TNRC6B: variants seen among roughly 807,000 people sequenced by gnomAD.
TNRC6B encodes the protein trinucleotide repeat containing adaptor 6B, also known as trinucleotide repeat-containing gene 6B protein.
TNRC6B carries 52 observed loss-of-function variants against 203.6 expected under a neutral mutation model. The ratio of observed to expected loss-of-function variants is 0.26; its 90% CI spans 0.20 to 0.32. The LOEUF (loss-of-function observed/expected upper bound fraction) is 0.32, where lower values mean the gene tolerates loss of function less well. TNRC6B is among the 10% of genes least tolerant of loss of function. TNRC6B has a pLI of 1.00. For synonymous variants in TNRC6B, 838 were observed against 845.7 expected, an observed-to-expected ratio of 0.99 and a Z score of 0.16; for missense variants, 1,923 against 2,286.2, an observed-to-expected ratio of 0.84 and a Z score of 3.24.
rs373005036 is a variant in TNRC6B, at chr22:40,264,936, A to G, written c.706A>G (p.Thr236Ala). 2.1e-5 allele frequency: 34 copies of G among 1,613,952 alleles called. No homozygotes were observed. The highest frequency in any genetic ancestry group is 4.5e-5 in the East Asian group (2 of 44,888). ...GAAGAGCACTCTGCCAGGAAGCACC[A>G]CTAGTAACAAAGGAAAAGGGAGCCA... is the stretch of plus-strand genomic sequence containing the variant. The part of the protein sequence containing the change: ...SEKSTLPGST[T>A]SNKGKGSQCQ... Residue 236 changes from threonine (T) to alanine (A), a missense_variant, in exon 5 of 23, where the codon ACT (threonine) becomes GCT (alanine). Physicochemically the swap from Thr to Ala is moderately conservative, Grantham distance 58 (BLOSUM62 0). Around this residue, in one of 8 missense-constraint regions of TNRC6B, gnomAD observed 614 missense variants for 587.7 expected, o/e 1.04. Coordinates refer to ENST00000454349, the MANE Select transcript of TNRC6B (RefSeq NM_001162501.2).
rs889771224 is a variant in TNRC6B at position 40,243,031 on chromosome 22, G to A, written c.6-2984G>A. On this transcript the variant is annotated intron_variant, in intron 1 of 22. Coordinates refer to ENST00000454349, the MANE Select transcript of TNRC6B (RefSeq NM_001162501.2). ...CTACAGGCGTGTGCCACCACGCCCA[G>A]CTAATTTTTTTGTATTTTTAGTAGA... Among the ~76,000 whole-genome samples the A allele has an allele frequency of 3.9e-5, 6 of 152,030 alleles. 1 individual carries two copies. The South Asian group carries it at 6.2e-4, about 16-fold the overall frequency.
At chr22:40,075,156 A>ATATATATATATATATATAT in intron 1 of TNRC6B, among the ~76,000 whole-genome samples, 10 of 35,554 alleles carry the variant, frequency 2.8e-4, no homozygotes, top group South Asian at 1.1e-3. Flanking sequence ...ATATATATAT[A>ATATATATATATATATATAT]TTTTTTTTTT....
chr22:40,244,183 C>T (rs2070072004), intron 1 of TNRC6B, among the ~76,000 whole-genome samples: 1 of 152,192 alleles, frequency 6.6e-6, no homozygotes, highest in Non-Finnish European at 1.5e-5. Flanking sequence ...GATCAACATC[C>T]ATCTTACCAG....
At chr22:40,282,753 A>G (rs561985233) in intron 11 of TNRC6B, among the ~76,000 whole-genome samples, 1 of 152,200 alleles carries the variant, frequency 6.6e-6, no homozygotes, top group South Asian at 2.1e-4. Flanking sequence ...TGGTTTTTAA[A>G]GACTATTTTC....
chr22:40,252,681 C>T (rs1347599994), intron 3 of TNRC6B, among the ~76,000 whole-genome samples: 2 of 152,096 alleles, frequency 1.3e-5, no homozygotes, highest in African/African-American at 4.8e-5. Flanking sequence ...AGTATCTGCC[C>T]TTGTACATTT....
chr22:40,064,128 T>C (rs1162608013), intron 1 of TNRC6B, among the ~76,000 whole-genome samples: 1 of 152,246 alleles, frequency 6.6e-6, no homozygotes, highest in Non-Finnish European at 1.5e-5. Context: ...AACTCATTTA[T>C]TAGTTGTGAT....
chr22:40,093,146 C>G (rs947730879), intron 1 of TNRC6B, among the ~76,000 whole-genome samples: 1 of 152,114 alleles, frequency 6.6e-6, no homozygotes. Flanking sequence ...GAAAAAATAA[C>G]CATTTCAGAA....
Position 40,300,606 on chromosome 22 carries a change from C to G in TNRC6B, c.3840+20C>G, listed in dbSNP as rs755813745. The G allele has an allele frequency of 6.3e-7, 1 of 1,587,298 alleles. No homozygotes were observed. Among genetic ancestry groups the G allele is most frequent in the African/African-American group, 1.4e-5 (1 of 72,790 alleles). ...CAGTTGGTAAGTAGAAGATTTTCTT[C>G]CTGTGGCTAAAAAGGTCATTTGCTT... On this transcript the variant is annotated intron_variant, in intron 13 of 22. Transcript: ENST00000454349.
At chr22:40,202,450 G>A (rs2069426699) in intron 1 of TNRC6B, among the ~76,000 whole-genome samples, 1 of 151,998 alleles carries the variant, frequency 6.6e-6, no homozygotes, top group South Asian at 2.1e-4. Context: ...ATAAACCATT[G>A]CTGCTGTAAC....
intron 1 of TNRC6B, among the ~76,000 whole-genome samples, chr22:40,113,190 G>A (rs1470743129): frequency 6.6e-6 from 1 of 152,198 alleles, no homozygotes; most frequent in African/African-American, 2.4e-5. Context: ...TAAAGAGGAT[G>A]TTTTTAGGAA....
chr22:40,143,051 A>G (rs1166093408), intron 3 of TNRC6B, among the ~76,000 whole-genome samples: 1 of 152,232 alleles, frequency 6.6e-6, no homozygotes, highest in Non-Finnish European at 1.5e-5. Context: ...AACATGCAAA[A>G]AGCACTAACT....
chr22:40,163,041 T>C (rs1219748632), intron 4 of TNRC6B, among the ~76,000 whole-genome samples: 1 of 152,090 alleles, frequency 6.6e-6, no homozygotes, highest in Non-Finnish European at 1.5e-5. Flanking sequence ...TTCCCAGAAG[T>C]CTCAGAATCG....
intron 16 of TNRC6B, among the ~76,000 whole-genome samples, chr22:40,309,125 G>C (rs1390211433): frequency 6.6e-6 from 1 of 152,240 alleles, no homozygotes; most frequent in Non-Finnish European, 1.5e-5. Context: ...ATGTGAATTA[G>C]AGTGTCTGCA....
Position 40,273,609 on chromosome 22 carries a change from C to T in TNRC6B, c.3141+9C>T, listed in dbSNP as rs1399116977. 6.4e-7 allele frequency: 1 copy of T among 1,560,130 alleles called. No homozygotes were observed. The highest frequency in any genetic ancestry group is 2.4e-5 in the East Asian group (1 of 42,072). On this transcript the variant is annotated intron_variant, in intron 7 of 22. Transcript: ENST00000454349. The stretch of plus-strand genomic sequence containing the variant: ...GAAAGAAACAAATGAAGGTAGCCTG[C>T]TTAGAAATGTTCGCACTTGCTCATT...
intron 4 of TNRC6B, among the ~76,000 whole-genome samples, chr22:40,169,130 CTT>C (rs135632): frequency 6.8e-4 from 75 of 109,630 alleles, no homozygotes; most frequent in Middle Eastern, 5.0e-3. Context: ...TTGGAATCTT[CTT>C]TTTTTTTTTT....
At chr22:40,058,020 A>AT (rs2067815556) in intron 1 of TNRC6B, among the ~76,000 whole-genome samples, 1 of 152,164 alleles carries the variant, frequency 6.6e-6, no homozygotes. Flanking sequence ...CAAGTTTTAT[A>AT]TTTTTACACC....
At chr22:40,105,905 A>G (rs184575147) in intron 1 of TNRC6B, among the ~76,000 whole-genome samples, 38 of 152,290 alleles carry the variant, frequency 2.5e-4, no homozygotes, top group African/African-American at 9.1e-4. Flanking sequence ...GTGTGTGAAG[A>G]TTTCTGTTGT....
chr22:40,130,804 T>C (rs1285918068), intron 3 of TNRC6B, among the ~76,000 whole-genome samples: 1 of 118,194 alleles, frequency 8.5e-6, no homozygotes, highest in Admixed American at 8.6e-5. Flanking sequence ...AAAAAAAAAA[T>C]AGTTAACAAA....
Position 40,335,713 on chromosome 22 carries a change from TG to T in TNRC6B, c.*12473del, listed in dbSNP as rs1225585247. On this transcript the variant is annotated 3_prime_UTR_variant, in exon 23 of 23. Transcript: ENST00000454349. ...ATTTTGGAAAGATATGATTGTATTA[TG>T]TGCAACTCAGTTGCTTACATTATAA... 1 of 150,276 alleles carries T rather than the reference TG, an allele frequency of 6.7e-6. No individual in the cohort carries two copies. The highest frequency in any genetic ancestry group is 2.5e-5 in the African/African-American group (1 of 40,814). The allele number at this position is 150,276 out of a possible 1,614,324, so 9.3% of individuals were successfully genotyped here.
Sources: gnomAD v4.1 joint callset for allele counts (sites outside exome capture counted in the v4.1 genomes callset) on GRCh38, gnomAD v4.1.1 for gene constraint, gnomAD v4.1.1 regional missense constraint, MANE v1.5 for transcripts, NCBI Gene and HGNC (gene_info 2026-07-23, HGNC 2026-07-21) for gene names.